The following GTF2I variants were observed in gnomAD, a reference collection of about 807,000 sequenced individuals.
GTF2I encodes general transcription factor IIi.
In GTF2I, 12 loss-of-function variants were observed where a neutral mutation model predicts 67.6. The observed-to-expected ratio is 0.18, with a 90% CI of 0.11 to 0.29. The LOEUF is 0.29. GTF2I is among the 10% of genes least tolerant of loss of function. The probability of loss-of-function intolerance (pLI) is 1.00; values close to 1 mark genes in which losing one functional copy is unlikely to be tolerated. For missense variants in GTF2I, 271 were observed against 580.1 expected (o/e 0.47, Z 5.47); for synonymous variants, 149 against 197.0 (o/e 0.76, Z 2.04).
chr7:74,676,234 A>G (rs139566736), intron 1 of GTF2I, among the ~76,000 whole-genome samples: 1 of 152,190 alleles, frequency 6.6e-6, no homozygotes, highest in East Asian at 1.9e-4. Flanking sequence ...TCAAGATATG[A>G]AGTTAATTTC....
intron 12 of GTF2I, 55 bp downstream of exon 12, chr7:74,718,996 T>TG (rs1404581792): frequency 1.1e-6 from 1 of 870,684 alleles, no homozygotes; most frequent in Non-Finnish European, 1.8e-6. Context: ...TAAAAATACT[T>TG]GTCACATTCA....
intron 1 of GTF2I, among the ~76,000 whole-genome samples, chr7:74,662,271 G>T (rs1160389310): frequency 2.9e-5 from 4 of 135,792 alleles, no homozygotes; most frequent in Non-Finnish European, 4.6e-5. Context: ...GAGTGCAATG[G>T]CACAATCAGC....
At chr7:74,703,188 A>AT (rs1208298391) in intron 6 of GTF2I, among the ~76,000 whole-genome samples, 39 of 149,592 alleles carry the variant, frequency 2.6e-4, no homozygotes, top group African/African-American at 7.6e-4. Flanking sequence ...TTAAAAAAAA[A>AT]TTTTTTTTTT....
intron 1 of GTF2I, among the ~76,000 whole-genome samples, chr7:74,680,321 A>G (rs1190639581): frequency 2.6e-5 from 4 of 151,670 alleles, no homozygotes; most frequent in African/African-American, 9.7e-5. Context: ...GCAGAAATGT[A>G]TTGAAAGTTC....
At chr7:74,693,773 G>T (rs1017391512) in intron 3 of GTF2I, among the ~76,000 whole-genome samples, 1 of 152,162 alleles carries the variant, frequency 6.6e-6, no homozygotes, top group African/African-American at 2.4e-5. Flanking sequence ...TTGAACCTGG[G>T]AGGTGGAGGT....
chr7:74,723,212 C>T (rs375791872), intron 12 of GTF2I, among the ~76,000 whole-genome samples: 90 of 151,372 alleles, frequency 5.9e-4, no homozygotes, highest in African/African-American at 2.1e-3. Context: ...CATCCCCTGC[C>T]TCCCAGGTTT....
At chr7:74,706,336 TG>T in intron 7 of GTF2I, 53 bp from the exon 8 acceptor site, 1 of 1,478,746 alleles carries the variant, frequency 6.8e-7, no homozygotes, top group African/African-American at 1.4e-5. Context: ...TTGAATGCTG[TG>T]GGAATGGCTG....
intron 8 of GTF2I, 53 bp from the exon 9 acceptor site, chr7:74,710,979 A>G (rs782808711): frequency 6.0e-5 from 51 of 845,554 alleles, no homozygotes; most frequent in Non-Finnish European, 9.7e-5. Flanking sequence ...TTCCCTACAC[A>G]ATCTAGCTGA....
At chr7:74,668,902 C>T (rs1463926073) in intron 1 of GTF2I, among the ~76,000 whole-genome samples, 1 of 151,788 alleles carries the variant, frequency 6.6e-6, no homozygotes, top group Admixed American at 6.6e-5. Context: ...TTTAAAAATA[C>T]ATTAATTTAT....
intron 2 of GTF2I, among the ~76,000 whole-genome samples, chr7:74,689,841 G>A (rs1409964346): frequency 3.9e-5 from 6 of 152,066 alleles, no homozygotes; most frequent in Admixed American, 2.0e-4. Flanking sequence ...TCAGACTCCC[G>A]AGTAGCTGGG....
intron 6 of GTF2I, among the ~76,000 whole-genome samples, chr7:74,704,095 TG>T (rs1457598937): frequency 3.3e-5 from 5 of 152,166 alleles, no homozygotes; most frequent in Admixed American, 6.6e-5. Context: ...CACACAGCAT[TG>T]GTGATAGCAG....
At chr7:74,747,830 A>G (rs1165901147) in intron 23 of GTF2I, among the ~76,000 whole-genome samples, 185 bp from the exon 24 acceptor site, 5 of 131,410 alleles carry the variant, frequency 3.8e-5, no homozygotes, top group Non-Finnish European at 8.2e-5. Context: ...GAAGAAGAGA[A>G]GAAAAATGGG....
intron 2 of GTF2I, 78 bp downstream of exon 2, chr7:74,689,305 T>C: frequency 1.5e-6 from 1 of 655,342 alleles, no homozygotes; most frequent in Non-Finnish European, 2.6e-6. Flanking sequence ...TTGTGGAAGA[T>C]AGAATTTTAT....
intron 8 of GTF2I, among the ~76,000 whole-genome samples, chr7:74,709,590 AC>A (rs1791245796): frequency 6.6e-6 from 1 of 151,668 alleles, no homozygotes; most frequent in South Asian, 2.1e-4. Flanking sequence ...AATTGGAGTG[AC>A]CCAAATTTTT....
At position 74,657,753 on chromosome 7, in the gene GTF2I, C is replaced by CCG. The variant is rs782496141; in HGVS notation, c.-320_-319dup. The stretch of plus-strand genomic sequence containing the variant: ...CTGGGAGAGCAGAGAAAAGGGGCCA[C>CCG]CGGTCGCCCCCCCGCTTCCCCGCAC... On this transcript the variant is annotated 5_prime_UTR_variant, in exon 1 of 35. Transcript: ENST00000573035. 3 of 151,708 alleles carry CCG rather than the reference C, an allele frequency of 2.0e-5. No homozygotes were observed. The highest frequency in any genetic ancestry group is 2.9e-5 in the Non-Finnish European group (2 of 68,000). 9.4% of individuals were successfully genotyped at this position (151,708 alleles called of 1,614,324 possible).
chr7:74,724,118 C>T (rs1793453056), intron 12 of GTF2I, among the ~76,000 whole-genome samples: 1 of 152,096 alleles, frequency 6.6e-6, no homozygotes, highest in African/African-American at 2.4e-5. Flanking sequence ...AGCACTTGAA[C>T]ACTTTGTTTT....
At chr7:74,677,967 C>T (rs978110901) in intron 1 of GTF2I, among the ~76,000 whole-genome samples, 7 of 152,042 alleles carry the variant, frequency 4.6e-5, no homozygotes, top group Middle Eastern at 6.8e-3. Context: ...GCAGACTCAC[C>T]GCTGTAGTCC....
chr7:74,663,869 A>C (rs1182755506), intron 1 of GTF2I, among the ~76,000 whole-genome samples: 1 of 151,468 alleles, frequency 6.6e-6, no homozygotes, highest in Non-Finnish European at 1.5e-5. Context: ...CGCTTTTGTC[A>C]CCCAGGCTGG....
intron 1 of GTF2I, among the ~76,000 whole-genome samples, chr7:74,666,134 C>T (rs782386326): frequency 1.3e-5 from 2 of 152,180 alleles, no homozygotes; most frequent in African/African-American, 2.4e-5. Context: ...TGATCCACCG[C>T]GCCTGGCCAG....
Sources: allele counts gnomAD v4.1 joint callset (sites outside exome capture counted in the v4.1 genomes callset), GRCh38; gene constraint gnomAD v4.1.1; transcripts MANE v1.5; gene names NCBI Gene and HGNC (gene_info 2026-07-23, HGNC 2026-07-21).